Variants in ZMAT4 observed in about 807,000 individuals in gnomAD.
ZMAT4 encodes the protein zinc finger matrin-type 4.
ZMAT4 carries 17 observed loss-of-function variants against 28.7 expected under a neutral mutation model. That is an observed-to-expected ratio of 0.59 (90% CI 0.41 to 0.89). The LOEUF (loss-of-function observed/expected upper bound fraction) is 0.89. Ranked by LOEUF, ZMAT4 falls within the 40% of genes least tolerant of loss-of-function variation. The pLI is 0.00. For synonymous variants in ZMAT4, 117 were observed against 109.2 expected (o/e 1.07, Z -0.44); for missense variants, 240 against 283.8 (o/e 0.85, Z 1.11).
At chr8:40,836,077 T>G (rs1267751064) in intron 1 of ZMAT4, among the ~76,000 whole-genome samples, 1 of 152,228 alleles carries the variant, frequency 6.6e-6, no homozygotes, top group Non-Finnish European at 1.5e-5. Flanking sequence ...ATGAAATCTT[T>G]CCGTTAGAAC....
chr8:40,573,790 T>C (rs1804175849), intron 6 of ZMAT4, among the ~76,000 whole-genome samples: 1 of 152,016 alleles, frequency 6.6e-6, no homozygotes, highest in African/African-American at 2.4e-5. Context: ...GGACCCATAT[T>C]TGTTGTGTTC....
intron 6 of ZMAT4, among the ~76,000 whole-genome samples, chr8:40,532,824 C>T (rs1044680111): frequency 2.6e-5 from 4 of 151,842 alleles, no homozygotes; most frequent in Middle Eastern, 3.2e-3. Context: ...GGTGAAACCC[C>T]GTCTCTACTA....
chr8:40,568,386 C>T (rs750544412), intron 6 of ZMAT4, among the ~76,000 whole-genome samples: 18 of 152,120 alleles, frequency 1.2e-4, no homozygotes, highest in Non-Finnish European at 1.5e-4. Context: ...CTTTCGAGAC[C>T]TTTCCTGGAT....
intron 1 of ZMAT4, among the ~76,000 whole-genome samples, chr8:40,853,420 G>C (rs200576714): frequency 1.3e-5 from 2 of 152,096 alleles, no homozygotes; most frequent in East Asian, 3.9e-4. Context: ...GCTGGGTGTG[G>C]TGGCAGGCAC....
At chr8:40,843,072 C>T (rs747909123) in intron 1 of ZMAT4, among the ~76,000 whole-genome samples, 13 of 152,148 alleles carry the variant, frequency 8.5e-5, no homozygotes, top group South Asian at 4.1e-4. Context: ...CCACTGTCCC[C>T]GGCCTAAAAC....
intron 3 of ZMAT4, among the ~76,000 whole-genome samples, chr8:40,721,248 G>C (rs865943462): frequency 7.0e-6 from 1 of 143,766 alleles, no homozygotes; most frequent in Non-Finnish European, 1.5e-5. Context: ...TTGTTCTTGC[G>C]ATAGTTTACT....
At chr8:40,638,085 G>A (rs1041544336) in intron 5 of ZMAT4, among the ~76,000 whole-genome samples, 4 of 152,170 alleles carry the variant, frequency 2.6e-5, no homozygotes, top group East Asian at 1.9e-4. Context: ...AAGAGGAGAC[G>A]TTGGTCAAAG....
chr8:40,568,868 C>G (rs1289652932), intron 6 of ZMAT4, among the ~76,000 whole-genome samples: 2 of 152,138 alleles, frequency 1.3e-5, no homozygotes, highest in Admixed American at 6.5e-5. Flanking sequence ...GTTACTTCTT[C>G]CCCTGAATTC....
chr8:40,633,745 G>A (rs1030576060), intron 5 of ZMAT4, among the ~76,000 whole-genome samples: 2 of 152,172 alleles, frequency 1.3e-5, no homozygotes, highest in Non-Finnish European at 2.9e-5. Context: ...GGAATGAGAT[G>A]ATTCTATAGG....
At position 40,601,720 on chromosome 8, in the gene ZMAT4, A is replaced by G. The variant is rs569651964; in HGVS notation, c.578-20459T>C. Among the ~76,000 whole-genome samples, 15 of 65,488 alleles carry G rather than the reference A, an allele frequency of 2.3e-4. No homozygotes were observed. In the South Asian group the frequency reaches 6.7e-3, roughly 29 times the overall value. 43.0% of individuals were successfully genotyped at this position (65,488 alleles called of 152,430 possible). ...AGAAAGAAAGAAAAGAAAGAAAGAA[A>G]GAAAGAAAGAGAAAGCAGGCAGGCA... On this transcript the variant is annotated intron_variant, in intron 5 of 6. Transcript: ENST00000297737.
At position 40,812,483 on chromosome 8, in the gene ZMAT4, C is replaced by T. The variant is rs147756553; in HGVS notation, c.102+13092G>A. 6.1e-4 allele frequency among the ~76,000 whole-genome samples: 93 copies of T among 152,248 alleles called. 2 individuals are homozygous for T. The highest frequency in any genetic ancestry group is 1.6e-3 in the African/African-American group (68 of 41,538). On this transcript the variant is annotated intron_variant, in intron 2 of 6. Coordinates refer to ENST00000297737, the MANE Select transcript of ZMAT4 (RefSeq NM_024645.3). ...TCAATATTGTCAAGGTCATCCAAAA[C>T]GAGGAAAACCTGAGAAACTGTTATA...
intron 5 of ZMAT4, among the ~76,000 whole-genome samples, chr8:40,639,491 A>T (rs2118756060): frequency 6.6e-6 from 1 of 152,284 alleles, no homozygotes; most frequent in East Asian, 1.9e-4. Flanking sequence ...TTTCCTAACA[A>T]TTCTTCATAA....
chr8:40,553,551 G>A (rs1340409967), intron 6 of ZMAT4, among the ~76,000 whole-genome samples: 2 of 152,136 alleles, frequency 1.3e-5, no homozygotes, highest in Non-Finnish European at 2.9e-5. Flanking sequence ...TGGGCAACAG[G>A]TGGCTGTGAG....
At chr8:40,692,587 A>G (rs1040412132) in intron 4 of ZMAT4, among the ~76,000 whole-genome samples, 3 of 152,202 alleles carry the variant, frequency 2.0e-5, no homozygotes, top group Non-Finnish European at 4.4e-5. Context: ...AATCAATTGC[A>G]AGTCTGGGGC....
At chr8:40,884,718 C>T (rs532899695) in intron 1 of ZMAT4, 1 of 152,366 alleles carries the variant, frequency 6.6e-6, no homozygotes, top group South Asian at 2.1e-4. Context: ...AATCTCCAGG[C>T]TGCTCCTGCT....
At chr8:40,564,369 T>A (rs780440551) in intron 6 of ZMAT4, among the ~76,000 whole-genome samples, 25 of 152,156 alleles carry the variant, frequency 1.6e-4, no homozygotes, top group Non-Finnish European at 3.2e-4. Flanking sequence ...AAGATTTTCA[T>A]TGCTGATGCC....
chr8:40,809,037 A>G (rs925115634), intron 2 of ZMAT4, among the ~76,000 whole-genome samples: 3 of 152,204 alleles, frequency 2.0e-5, no homozygotes, highest in Non-Finnish European at 4.4e-5. Context: ...CACTATTTAC[A>G]AAAGCAAAGA....
chr8:40,733,615 G>A (rs533824781), intron 3 of ZMAT4, among the ~76,000 whole-genome samples: 59 of 152,144 alleles, frequency 3.9e-4, no homozygotes, highest in Non-Finnish European at 6.0e-4. Context: ...ACAGGCCAAC[G>A]AGAATCGCTG....
intron 3 of ZMAT4, among the ~76,000 whole-genome samples, chr8:40,742,563 A>T (rs1025246589): frequency 6.6e-6 from 1 of 152,132 alleles, no homozygotes; most frequent in African/African-American, 2.4e-5. Context: ...AAGGACTGAG[A>T]TGCTGCAGCA....
Sources: gnomAD v4.1 joint callset for allele counts (sites outside exome capture counted in the v4.1 genomes callset) on GRCh38, gnomAD v4.1.1 for gene constraint, MANE v1.5 for transcripts, NCBI Gene and HGNC (gene_info 2026-07-23, HGNC 2026-07-21) for gene names.